Variants in IQGAP1 observed in about 807,000 individuals in gnomAD.
IQGAP1 encodes the protein IQ motif containing GTPase activating protein 1, also known as ras GTPase-activating-like protein IQGAP1.
A neutral mutation model predicts 215.6 loss-of-function variants in IQGAP1; 66 were observed. The observed-to-expected ratio is 0.31, with a 90% CI of 0.25 to 0.38. The LOEUF (loss-of-function observed/expected upper bound fraction) is 0.38, where lower values mean the gene tolerates loss of function less well. IQGAP1 is among the 10% of genes least tolerant of loss of function. The pLI, the probability that IQGAP1 is intolerant of heterozygous loss-of-function variation, is 1.00. For missense variants in IQGAP1, 1,712 were observed against 1,997.1 expected (o/e 0.86, Z 2.72); for synonymous variants, 772 against 728.7 (o/e 1.06, Z -0.96).
At chr15:90,389,711 T>C (rs1964607224) in intron 1 of IQGAP1, among the ~76,000 whole-genome samples, 1 of 151,530 alleles carries the variant, frequency 6.6e-6, no homozygotes, top group Non-Finnish European at 1.5e-5. Flanking sequence ...TCCCAGCACT[T>C]TGGGAGTCCG....
chr15:90,464,691 A>C (rs1479551370), intron 15 of IQGAP1, among the ~76,000 whole-genome samples: 2 of 152,056 alleles, frequency 1.3e-5, no homozygotes, highest in Non-Finnish European at 2.9e-5. Flanking sequence ...TCTACTAAAA[A>C]AATACAAAAA....
chr15:90,429,731 C>A, intron 4 of IQGAP1, 65 bp downstream of exon 4: 1 of 976,512 alleles, frequency 1.0e-6, no homozygotes, highest in Non-Finnish European at 1.6e-6. Context: ...CTCAAACAAC[C>A]TGTTCTCATT....
At chr15:90,412,798 T>C (rs1051955084) in intron 2 of IQGAP1, among the ~76,000 whole-genome samples, 8 of 152,214 alleles carry the variant, frequency 5.3e-5, no homozygotes, top group Non-Finnish European at 1.0e-4. Context: ...GGATGTTTGC[T>C]GTGCAAGATG....
chr15:90,460,381 T>A (rs1353380682), intron 15 of IQGAP1, among the ~76,000 whole-genome samples: 1 of 152,130 alleles, frequency 6.6e-6, no homozygotes, highest in Non-Finnish European at 1.5e-5. Flanking sequence ...ATTCTCCAGC[T>A]TTTCCTTATA....
intron 5 of IQGAP1, among the ~76,000 whole-genome samples, chr15:90,437,243 A>C (rs1266262313): frequency 1.3e-5 from 2 of 152,208 alleles, no homozygotes; most frequent in Non-Finnish European, 2.9e-5. Flanking sequence ...GGAGAACAGC[A>C]CCAAGGGGGA....
intron 18 of IQGAP1, among the ~76,000 whole-genome samples, chr15:90,470,566 T>C (rs1429102699): frequency 1.3e-5 from 2 of 152,004 alleles, no homozygotes; most frequent in Non-Finnish European, 2.9e-5. Flanking sequence ...AAAATAATAA[T>C]ACAAAATTTT....
chr15:90,453,796 A>T (rs1319607744), intron 13 of IQGAP1, among the ~76,000 whole-genome samples: 1 of 152,140 alleles, frequency 6.6e-6, no homozygotes, highest in African/African-American at 2.4e-5. Context: ...TATTCCTGTA[A>T]ATTGGAAATT....
At chr15:90,480,110 C>T (rs2151034613) in intron 26 of IQGAP1, among the ~76,000 whole-genome samples, 1 of 151,704 alleles carries the variant, frequency 6.6e-6, no homozygotes, top group Admixed American at 6.6e-5. Context: ...GAAATTGAGC[C>T]AGGCATGGTG....
At chr15:90,401,466 T>G (rs140740453) in intron 2 of IQGAP1, among the ~76,000 whole-genome samples, 1,696 of 152,288 alleles carry the variant, frequency 0.011, 40 homozygotes, top group African/African-American at 0.038. Flanking sequence ...ACCAAAAACC[T>G]GCAATTTGCA....
chr15:90,448,374 C>T (rs1965553470), intron 9 of IQGAP1, among the ~76,000 whole-genome samples, 199 bp from the exon 10 acceptor site: 1 of 152,088 alleles, frequency 6.6e-6, no homozygotes, highest in African/African-American at 2.4e-5. Context: ...TGATGAATAG[C>T]TTGTTGGGAA....
At chr15:90,408,793 T>A (rs1964915799) in intron 2 of IQGAP1, among the ~76,000 whole-genome samples, 1 of 152,134 alleles carries the variant, frequency 6.6e-6, no homozygotes, top group South Asian at 2.1e-4. Flanking sequence ...CTTAAAAAAT[T>A]AATTAATTAA....
intron 2 of IQGAP1, among the ~76,000 whole-genome samples, chr15:90,409,425 A>T (rs898835349): frequency 6.6e-6 from 1 of 151,996 alleles, no homozygotes; most frequent in African/African-American, 2.4e-5. Flanking sequence ...TTTAGTAGAG[A>T]TGGGGTCTTA....
In IQGAP1 at chr15:90,440,905, T is replaced by A. The variant is rs558395404; in HGVS notation, c.649+290T>A. Reference sequence around the variant, plus strand: ...GGGTGGATCACCTGAGGTCAGGAGTTCAAGACCAGCCTGGCCATGGTGAAA... The same window carrying A: ...GGGTGGATCACCTGAGGTCAGGAGTACAAGACCAGCCTGGCCATGGTGAAA... On this transcript the variant is annotated intron_variant, in intron 7 of 37. Coordinates refer to ENST00000268182, the MANE Select transcript of IQGAP1 (RefSeq NM_003870.4). 2.6e-5 allele frequency among the ~76,000 whole-genome samples: 4 copies of A among 152,208 alleles called. No homozygotes were observed. The East Asian group carries it at 5.8e-4, about 22-fold the overall frequency.
chr15:90,397,444 C>T (rs1175483260), intron 2 of IQGAP1, among the ~76,000 whole-genome samples: 1 of 151,196 alleles, frequency 6.6e-6, no homozygotes, highest in Non-Finnish European at 1.5e-5. Flanking sequence ...GAACGCTATG[C>T]ATCTTACAGA....
At chr15:90,444,265 GTGTGTGTGTGTGTGTATA>G (rs1389414882) in intron 9 of IQGAP1, among the ~76,000 whole-genome samples, 2 of 116,822 alleles carry the variant, frequency 1.7e-5, no homozygotes, top group African/African-American at 4.3e-5. Context: ...GTGTGTGTGT[GTGTGTGTGTGTGTGTATA>G]TATATATTTT....
At chr15:90,441,474 T>C (rs1344432557) in intron 7 of IQGAP1, 32 bp from the exon 8 acceptor site, 2 of 1,570,368 alleles carry the variant, frequency 1.3e-6, no homozygotes, top group South Asian at 2.2e-5. Context: ...CTCAGTGTTT[T>C]TGTTGGTTTG....
intron 1 of IQGAP1, among the ~76,000 whole-genome samples, chr15:90,389,951 T>A (rs1964611499): frequency 1.1e-5 from 1 of 93,762 alleles, no homozygotes. Flanking sequence ...CAAGACCCTG[T>A]CTCAAAAAAA....
chr15:90,494,758 G>T lies in IQGAP1; in HGVS notation c.4674G>T (p.Lys1558Asn). The T allele has an allele frequency of 1.2e-6, 2 of 1,609,634 alleles. No homozygotes were observed. The highest frequency in any genetic ancestry group is 3.3e-4 in the Middle Eastern group (2 of 6,012). The change falls in exon 36 of 38, where the codon AAG becomes AAT. Residue 1558 changes from lysine to asparagine, a missense_variant. Coordinates refer to ENST00000268182, the MANE Select transcript of IQGAP1 (RefSeq NM_003870.4). ...AAATGAAAGGAAAGAAAAGCAAAAA[G>T]ATTTCTCTGAAATATACAGCAGCAA... is the stretch of plus-strand genomic sequence containing the variant. ...PREMKGKKSK[K>N]ISLKYTAARL...
chr15:90,391,813 A>G (rs1391331050), intron 2 of IQGAP1: 1 of 152,186 alleles, frequency 6.6e-6, no homozygotes, highest in Non-Finnish European at 1.5e-5. Flanking sequence ...GTCCCAGGGT[A>G]GATGTAATTA....
Sources: gnomAD v4.1 joint callset for allele counts (sites outside exome capture counted in the v4.1 genomes callset) on GRCh38, gnomAD v4.1.1 for gene constraint, MANE v1.5 for transcripts, NCBI Gene and HGNC (gene_info 2026-07-23, HGNC 2026-07-21) for gene names.